Variants in GRM4 observed in about 807,000 individuals in gnomAD.
The protein encoded by GRM4 is glutamate metabotropic receptor 4, also known as metabotropic glutamate receptor 4.
GRM4 carries 28 observed loss-of-function variants against 81.7 expected under a neutral mutation model. The ratio of observed to expected loss-of-function variants is 0.34; its 90% confidence interval spans 0.25 to 0.47. The LOEUF (loss-of-function observed/expected upper bound fraction) is 0.47. GRM4 is among the 20% of genes least tolerant of loss of function. The pLI is 1.00. For missense variants in GRM4, 948 were observed against 1,290.0 expected (o/e 0.73, Z 4.06); for synonymous variants, 488 against 528.8 (o/e 0.92, Z 1.06).
At chr6:34,138,664 C>T (rs1770560618) in intron 1 of GRM4, among the ~76,000 whole-genome samples, 1 of 152,196 alleles carries the variant, frequency 6.6e-6, no homozygotes, top group Non-Finnish European at 1.5e-5. Flanking sequence ...GCCACCCCTG[C>T]CAGCTGCACT....
chr6:34,055,327 A>G (rs1765814773), intron 6 of GRM4: 1 of 152,154 alleles, frequency 6.6e-6, no homozygotes, highest in Admixed American at 6.5e-5. Context: ...GGGCACACTC[A>G]CACACTAGCA....
At position 34,089,158 on chromosome 6, in the gene GRM4, T is replaced by C. The variant is rs1017537400; in HGVS notation, c.736+2725A>G. Among the ~76,000 whole-genome samples the C allele has an allele frequency of 6.6e-6, 1 of 152,144 alleles. No homozygotes were observed. Among genetic ancestry groups the C allele is most frequent in the Admixed American group, 6.5e-5 (1 of 15,278 alleles). ...GGACTCACTCACCACACTTCCAACA[T>C]GCATCCCAGCCTGGCCAGCATGCCC... On this transcript the variant is annotated intron_variant, in intron 3 of 10. Transcript: ENST00000538487. The surrounding 1 kb of genome is among the most constrained non-coding windows in gnomAD (Gnocchi z 4.3).
chr6:34,141,278 C>A (rs1770680858), intron 1 of GRM4, among the ~76,000 whole-genome samples: 3 of 152,178 alleles, frequency 2.0e-5, no homozygotes, highest in Admixed American at 6.5e-5. Context: ...TCACCATCAT[C>A]ACCACCAATG....
At chr6:34,027,947 C>T (rs1204786317) in intron 10 of GRM4, among the ~76,000 whole-genome samples, 173 bp downstream of exon 10, 1 of 152,208 alleles carries the variant, frequency 6.6e-6, no homozygotes, top group Admixed American at 6.5e-5. Context: ...AGGGCTCTCC[C>T]TGAGAGGCTG....
chr6:34,104,714 G>T (rs1318277553), intron 2 of GRM4, among the ~76,000 whole-genome samples: 1 of 152,152 alleles, frequency 6.6e-6, no homozygotes, highest in Non-Finnish European at 1.5e-5. Context: ...GAGAGTCCCT[G>T]TTCCAGGTGT....
At chr6:34,147,235 A>T (rs1770955340), upstream of GRM4, among the ~76,000 whole-genome samples, 1 of 152,226 alleles carries the variant, frequency 6.6e-6, no homozygotes, top group African/African-American at 2.4e-5. Flanking sequence ...ACACTGACTG[A>T]GGTCCTGCTC....
chr6:34,056,581 G>T lies in GRM4; in HGVS notation c.1131C>A (p.His377Gln). ...EDNFHCKLSR[H>Q]ALKKGSHVKK... ...TGACGTGGCTGCCCTTCTTGAGGGC[G>T]TGGCGGCTCAGCTTGCAGTGGAAGT... is the stretch of plus-strand genomic sequence containing the variant. The change falls in exon 6 of 11, where the codon CAC (histidine) becomes CAA (glutamine). Residue 377 changes from histidine to glutamine, a missense_variant. Physicochemically the swap from His to Gln is conservative, Grantham distance 24. Coordinates refer to ENST00000538487, the MANE Select transcript of GRM4 (RefSeq NM_000841.4). 1 of 1,613,370 alleles carries T rather than the reference G, an allele frequency of 6.2e-7. No homozygotes were observed. The highest frequency in any genetic ancestry group is 2.2e-5 in the East Asian group (1 of 44,872).
chr6:34,123,550 C>A lies in GRM4; in HGVS notation c.519+9428G>T, dbSNP rs1039327759. Reference sequence around the variant, plus strand: ...TGAGATGAGCGAGGTCCAGGAGGGTCAGACTTCTGGAGCCAGGATCTGCAC... The same window carrying A: ...TGAGATGAGCGAGGTCCAGGAGGGTAAGACTTCTGGAGCCAGGATCTGCAC... On this transcript the variant is annotated intron_variant, in intron 2 of 10. Coordinates refer to ENST00000538487, the MANE Select transcript of GRM4 (RefSeq NM_000841.4). Among the ~76,000 whole-genome samples the A allele has an allele frequency of 5.3e-5, 8 of 152,186 alleles. 1 individual carries two copies. The highest frequency in any genetic ancestry group is 1.2e-4 in the Non-Finnish European group (8 of 68,040).
intron 1 of GRM4, among the ~76,000 whole-genome samples, chr6:34,139,560 A>C (rs954363432): frequency 1.3e-5 from 2 of 152,116 alleles, no homozygotes; most frequent in Non-Finnish European, 2.9e-5. Context: ...CTCCGCAGTT[A>C]ATGACACAGA....
At chr6:34,154,875 G>A (rs904447830) in intron 1 of GRM4, among the ~76,000 whole-genome samples, 1 of 152,200 alleles carries the variant, frequency 6.6e-6, no homozygotes, top group Admixed American at 6.5e-5. Context: ...GCGCGCCCGA[G>A]CGCGAGCCTA....
chr6:34,140,301 C>T (rs556369395), intron 1 of GRM4, among the ~76,000 whole-genome samples: 4 of 149,582 alleles, frequency 2.7e-5, no homozygotes, highest in Admixed American at 6.8e-5. Flanking sequence ...AGGAGGCCAA[C>T]GTGACCAGGG....
rs979625869 is a variant in GRM4, at chr6:34,028,063, G to A, written c.2689+57C>T. The A allele has an allele frequency of 4.5e-6, 7 of 1,545,538 alleles. No individual in the cohort carries two copies. In the East Asian group the frequency reaches 1.6e-4, roughly 36 times the overall value. ...GGAGGGGCAGGAGCTCAGCCCACCT[G>A]CTGCAAAAGGAGCGGGGCCTGGGGC... On this transcript the variant is annotated intron_variant, in intron 10 of 10. Transcript: ENST00000538487.
chr6:34,104,027 C>T (rs757148661), intron 2 of GRM4, among the ~76,000 whole-genome samples: 4 of 152,336 alleles, frequency 2.6e-5, no homozygotes, highest in Non-Finnish European at 4.4e-5. Flanking sequence ...AGCCAGAGCC[C>T]GATCCTCAGA....
rs1406038011 is a variant in GRM4 at position 34,036,800 on chromosome 6, A to G, written c.1507-197T>C. On this transcript the variant is annotated intron_variant, in intron 8 of 10. Transcript: ENST00000538487. The surrounding 1 kb of genome is among the most constrained non-coding windows in gnomAD (Gnocchi z 9.0). ...AAAAAAGGTCTCCGGCATAACTCAG[A>G]CATAATTGACCTACAGGGAATCCTG... 6.6e-6 allele frequency among the ~76,000 whole-genome samples: 1 copy of G among 152,198 alleles called. No individual in the cohort carries two copies. Among genetic ancestry groups the G allele is most frequent in the East Asian group, 1.9e-4 (1 of 5,202 alleles).
At chr6:34,023,009 C>A in intron 10 of GRM4, 139 bp from the exon 11 acceptor site, 2 of 718,094 alleles carry the variant, frequency 2.8e-6, no homozygotes, top group Non-Finnish European at 2.5e-6. Flanking sequence ...GCTGAGCAAT[C>A]GACACTGCCC....
intron 3 of GRM4, among the ~76,000 whole-genome samples, chr6:34,091,031 T>A (rs764133279): frequency 2.6e-5 from 4 of 151,548 alleles, no homozygotes; most frequent in Admixed American, 6.6e-5. Flanking sequence ...CCAGGAGCTG[T>A]CCCCTCTTGG....
chr6:34,146,213 A>G (rs73744833), upstream of GRM4: 44,739 of 877,318 alleles, frequency 0.051, 5,148 homozygotes, highest in African/African-American at 0.41. Context: ...ACTGCTCCTG[A>G]TTCAAGTATA....
intron 6 of GRM4, among the ~76,000 whole-genome samples, chr6:34,043,603 C>T (rs565108019): frequency 1.3e-5 from 2 of 152,308 alleles, no homozygotes; most frequent in South Asian, 2.1e-4. Flanking sequence ...AGGACGCACC[C>T]AGCCATGGGA....
chr6:34,031,463 C>T (rs1400314860), intron 9 of GRM4, among the ~76,000 whole-genome samples: 1 of 152,176 alleles, frequency 6.6e-6, no homozygotes. Context: ...TTCCTGCTTT[C>T]GTGCTAGGCC....
Sources: gnomAD v4.1 joint callset for allele counts (sites outside exome capture counted in the v4.1 genomes callset) on GRCh38, gnomAD v4.1.1 for gene constraint, Gnocchi (gnomAD v3.1) non-coding constraint, MANE v1.5 for transcripts, NCBI Gene and HGNC (gene_info 2026-07-23, HGNC 2026-07-21) for gene names.